The following CYP20A1 variants were observed in gnomAD, a reference collection of about 807,000 sequenced individuals.
The protein encoded by CYP20A1 is cytochrome P450 family 20 subfamily A member 1.
A neutral mutation model predicts 61.4 loss-of-function variants in CYP20A1; 61 were observed. That is an observed-to-expected ratio of 0.99 (90% CI 0.81 to 1.23). The LOEUF (loss-of-function observed/expected upper bound fraction) is 1.23. Ranked by LOEUF, CYP20A1 falls within the 50% of genes most tolerant of loss-of-function variation. CYP20A1 has a pLI of 0.00. For synonymous variants in CYP20A1, 193 were observed against 188.2 expected, an observed-to-expected ratio of 1.03 and a Z score of -0.21; for missense variants, 530 against 542.4, an observed-to-expected ratio of 0.98 and a Z score of 0.23.
At chr2:203,239,384 G>A (rs559743496) in intron 1 of CYP20A1, among the ~76,000 whole-genome samples, 2 of 152,052 alleles carry the variant, frequency 1.3e-5, no homozygotes, top group South Asian at 4.2e-4. Context: ...GAGCTGCTGA[G>A]GAAAAGCCCG....
chr2:203,283,290 C>T (rs2068120832), intron 8 of CYP20A1, among the ~76,000 whole-genome samples: 1 of 140,836 alleles, frequency 7.1e-6, no homozygotes. Flanking sequence ...AATCTCGGCT[C>T]ACTGCAACCT....
rs75696112 is a variant in CYP20A1, at chr2:203,302,120, T to C, written c.*5212T>C. On this transcript the variant is annotated 3_prime_UTR_variant, in exon 13 of 13. Coordinates refer to ENST00000356079, the MANE Select transcript of CYP20A1 (RefSeq NM_177538.3). Reference sequence around the variant, plus strand: ...TTTGTGTTTTTAGTACAGATGGGGTTTCACCATGTTGGCCAGGCTGGCCTC... The same window carrying C: ...TTTGTGTTTTTAGTACAGATGGGGTCTCACCATGTTGGCCAGGCTGGCCTC... Among the ~76,000 whole-genome samples the C allele has an allele frequency of 6.6e-6, 1 of 152,044 alleles. No homozygotes were observed. The highest frequency in any genetic ancestry group is 6.6e-5 in the Admixed American group (1 of 15,256).
intron 5 of CYP20A1, among the ~76,000 whole-genome samples, chr2:203,269,279 A>ATTTTTTTTTT (rs528970568): frequency 1.6e-5 from 2 of 125,294 alleles, no homozygotes; most frequent in Non-Finnish European, 3.3e-5. Context: ...CCTGTCTCCA[A>ATTTTTTTTTT]TTTTTTTTTT....
chr2:203,247,502 C>T (rs1174856005), intron 3 of CYP20A1, among the ~76,000 whole-genome samples: 1 of 151,772 alleles, frequency 6.6e-6, no homozygotes, highest in East Asian at 1.9e-4. Context: ...AAAAATAGTT[C>T]CAAGGTATAT....
chr2:203,282,265 T>A lies in CYP20A1; in HGVS notation c.850+2152T>A, dbSNP rs56344032. ...CTGGTCTTGAACTGACCTCAGGTGC[T>A]CCACCTGCCTCGGCCTCCCAAGGTG... On this transcript the variant is annotated intron_variant, in intron 8 of 12. Transcript: ENST00000356079. Among the ~76,000 whole-genome samples the A allele has an allele frequency of 7.0e-3, 1,060 of 152,196 alleles. 3 individuals are homozygous for A. Among genetic ancestry groups the A allele is most frequent in the Non-Finnish European group, 0.012 (824 of 68,000 alleles).
intron 9 of CYP20A1, among the ~76,000 whole-genome samples, chr2:203,285,969 C>T (rs759970363): frequency 9.2e-5 from 14 of 152,154 alleles, no homozygotes; most frequent in Non-Finnish European, 1.9e-4. Context: ...GACACTCATA[C>T]TTTGTTGATG....
At position 203,280,044 on chromosome 2, in the gene CYP20A1, A is replaced by C. The variant is rs772758149; in HGVS notation, c.796-15A>C. On this transcript the variant is annotated splice_polypyrimidine_tract_variant and intron_variant, in intron 7 of 12. Transcript: ENST00000356079. ...TACATTTTTCACACTTTCTAAACTT[A>C]GTTTTGTTTCCTAGATCCTAGAAGA... The C allele has an allele frequency of 6.3e-7, 1 of 1,594,388 alleles. No homozygotes were observed. The highest frequency in any genetic ancestry group is 8.6e-7 in the Non-Finnish European group (1 of 1,169,504).
intron 9 of CYP20A1, among the ~76,000 whole-genome samples, chr2:203,286,509 A>G (rs2068278541): frequency 6.6e-6 from 1 of 152,230 alleles, no homozygotes; most frequent in Non-Finnish European, 1.5e-5. Flanking sequence ...GAATACTACC[A>G]AGTAATAAAA....
chr2:203,254,512 G>A (rs1395702531), intron 4 of CYP20A1, among the ~76,000 whole-genome samples: 2 of 149,276 alleles, frequency 1.3e-5, no homozygotes, highest in African/African-American at 2.5e-5. Context: ...GCCACTCACT[G>A]CACTCCAGTC....
At chr2:203,288,643 C>T (rs543885206) in intron 9 of CYP20A1, among the ~76,000 whole-genome samples, 20 of 152,200 alleles carry the variant, frequency 1.3e-4, no homozygotes, top group Non-Finnish European at 2.8e-4. Context: ...AAGAATGTTT[C>T]CCCTTTTGAT....
At position 203,239,165 on chromosome 2, in the gene CYP20A1, G is replaced by C. The variant is rs749101660; in HGVS notation, c.72+31G>C. 4.4e-6 allele frequency: 7 copies of C among 1,587,232 alleles called. No homozygotes were observed. In the East Asian group the frequency reaches 1.6e-4, roughly 35 times the overall value. On this transcript the variant is annotated intron_variant, in intron 1 of 12. Transcript: ENST00000356079. ...CGCCGTCTTGGCTCTCTGGGGCCCC[G>C]GGCGCCGCCCCAGTCTCTCTGTCGC...
rs2152117609 is a variant in CYP20A1 at position 203,298,730 on chromosome 2, C to T, written c.*1822C>T. 6.7e-6 allele frequency among the ~76,000 whole-genome samples: 1 copy of T among 149,234 alleles called. No homozygotes were observed. The highest frequency in any genetic ancestry group is 2.5e-5 in the African/African-American group (1 of 40,660). ...AAAAAAAAAAAGGAGGTGGGGAGAG[C>T]TATTTCAAGAATATTTTAAGTAGGC... On this transcript the variant is annotated 3_prime_UTR_variant, in exon 13 of 13. Transcript: ENST00000356079.
chr2:203,286,878 T>A (rs2068294175), intron 9 of CYP20A1, among the ~76,000 whole-genome samples: 1 of 152,046 alleles, frequency 6.6e-6, no homozygotes, highest in African/African-American at 2.4e-5. Flanking sequence ...AGTCTGAGAC[T>A]GGGTAGCAAG....
At chr2:203,288,061 CT>C (rs869173270) in intron 9 of CYP20A1, among the ~76,000 whole-genome samples, 20 of 70,448 alleles carry the variant, frequency 2.8e-4, no homozygotes, top group African/African-American at 1.2e-3. Flanking sequence ...TTCTCTCTCT[CT>C]TTTTTTTTTT....
rs2069179744 is a variant in CYP20A1, at chr2:203,305,431, T to C, written c.*8523T>C. The stretch of plus-strand genomic sequence containing the variant: ...TTGCCAGGATGGTCTCGATCTCTTG[T>C]GCTCATAATCTACCTACCTCGGCCT... On this transcript the variant is annotated 3_prime_UTR_variant, in exon 13 of 13. Transcript: ENST00000356079. 6.6e-6 allele frequency: 1 copy of C among 151,992 alleles called. No homozygotes were observed. The highest frequency in any genetic ancestry group is 1.5e-5 in the Non-Finnish European group (1 of 67,992). 9.4% of individuals were successfully genotyped at this position (151,992 alleles called of 1,614,324 possible).
chr2:203,303,588 G>A lies in CYP20A1; in HGVS notation c.*6680G>A, dbSNP rs550603852. On this transcript the variant is annotated 3_prime_UTR_variant, in exon 13 of 13. Coordinates refer to ENST00000356079, the MANE Select transcript of CYP20A1 (RefSeq NM_177538.3). ...CAGGTGCCTCTAATCCCAGCTACTC[G>A]GGAGGCTGAGGCAGGAGAATCGCTT... 1.4e-3 allele frequency among the ~76,000 whole-genome samples: 217 copies of A among 152,020 alleles called. No individual in the cohort carries two copies. The highest frequency in any genetic ancestry group is 3.4e-3 in the Middle Eastern group (1 of 294).
intron 4 of CYP20A1, 107 bp from the exon 5 acceptor site, chr2:203,266,407 T>C: frequency 1.1e-6 from 1 of 933,022 alleles, no homozygotes; most frequent in South Asian, 1.6e-5. Flanking sequence ...ATGTTGACTT[T>C]GGTTACAGAG....
intron 3 of CYP20A1, among the ~76,000 whole-genome samples, 164 bp from the exon 4 acceptor site, chr2:203,251,803 A>G (rs528109347): frequency 1.2e-5 from 1 of 84,752 alleles, no homozygotes; most frequent in African/African-American, 5.3e-5. Context: ...GTATATATAT[A>G]TATATATATA....
At chr2:203,279,076 T>A (rs1575240016) in intron 7 of CYP20A1, among the ~76,000 whole-genome samples, 1 of 152,274 alleles carries the variant, frequency 6.6e-6, no homozygotes, top group East Asian at 1.9e-4. Flanking sequence ...GCGATTCTCC[T>A]GCCTCAGCCT....
Sources: allele counts gnomAD v4.1 joint callset (sites outside exome capture counted in the v4.1 genomes callset), GRCh38; gene constraint gnomAD v4.1.1; transcripts MANE v1.5; gene names NCBI Gene and HGNC (gene_info 2026-07-23, HGNC 2026-07-21).